Variants in TXNL4A observed in about 807,000 individuals in gnomAD.
The protein encoded by TXNL4A is thioredoxin-like protein 4A.
Under a neutral mutation model 14.6 loss-of-function variants are expected in TXNL4A, and 17 were observed. That is an observed-to-expected ratio of 1.16 (90% confidence interval 0.80 to 1.74). The LOEUF is 1.74. Ranked by LOEUF, TXNL4A falls within the 40% of genes most tolerant of loss-of-function variation. The pLI is 0.00. For missense variants in TXNL4A, 74 were observed against 195.2 expected (o/e 0.38, Z 3.70); for synonymous variants, 83 against 70.6 (o/e 1.18, Z -0.88).
intron 1 of TXNL4A, among the ~76,000 whole-genome samples, chr18:79,983,233 T>G (rs1447124376): frequency 6.6e-6 from 1 of 152,222 alleles, no homozygotes; most frequent in African/African-American, 2.4e-5. Flanking sequence ...ACTCTTGACC[T>G]CAGATGATTC....
At chr18:79,983,293 G>A (rs952291810) in intron 1 of TXNL4A, among the ~76,000 whole-genome samples, 5 of 152,190 alleles carry the variant, frequency 3.3e-5, no homozygotes, top group East Asian at 1.9e-4. Flanking sequence ...AAGCCACGGC[G>A]CTGGCCTCAA....
At chr18:79,984,200 C>T (rs1404900924) in intron 1 of TXNL4A, among the ~76,000 whole-genome samples, 1 of 152,170 alleles carries the variant, frequency 6.6e-6, no homozygotes, top group Non-Finnish European at 1.5e-5. Context: ...GTTCAGTAGG[C>T]GTTCTGTGAT....
intron 2 of TXNL4A, among the ~76,000 whole-genome samples, chr18:79,975,221 T>G (rs900163233): frequency 5.3e-5 from 8 of 152,216 alleles, no homozygotes; most frequent in Non-Finnish European, 1.0e-4. Flanking sequence ...CTCAGCTGTT[T>G]CTATCAGACA....
chr18:80,007,247 T>A (rs2145110928), intron 1 of TXNL4A, among the ~76,000 whole-genome samples: 1 of 152,262 alleles, frequency 6.6e-6, no homozygotes, highest in East Asian at 1.9e-4. Flanking sequence ...AGGAAGGGCT[T>A]TATTCAGCTG....
At chr18:80,005,206 G>T (rs1260726244) in intron 1 of TXNL4A, among the ~76,000 whole-genome samples, 1 of 152,192 alleles carries the variant, frequency 6.6e-6, no homozygotes, top group Non-Finnish European at 1.5e-5. Context: ...GAGGCCAATG[G>T]GGCATTCTGG....
At chr18:79,991,467 G>C (rs1193059365), upstream of TXNL4A, among the ~76,000 whole-genome samples, 9 of 148,924 alleles carry the variant, frequency 6.0e-5, no homozygotes, top group African/African-American at 2.2e-4. Flanking sequence ...CTTTTTAATT[G>C]CTGATGAATA....
chr18:80,018,414 C>T (rs1029368304), intron 1 of TXNL4A, among the ~76,000 whole-genome samples: 1 of 151,998 alleles, frequency 6.6e-6, no homozygotes, highest in Non-Finnish European at 1.5e-5. Flanking sequence ...GCTAACATCG[C>T]AATTAAAAGA....
At chr18:80,033,824 C>CT (rs1387737521) in intron 1 of TXNL4A, 48 of 128,294 alleles carry the variant, frequency 3.7e-4, no homozygotes, top group African/African-American at 1.4e-3. Flanking sequence ...CCCCCGTTGC[C>CT]GCCCCCCCCG....
chr18:80,015,424 A>G (rs1456210799), intron 1 of TXNL4A, among the ~76,000 whole-genome samples: 1 of 151,264 alleles, frequency 6.6e-6, no homozygotes, highest in Non-Finnish European at 1.5e-5. Flanking sequence ...AGTCAGTTAC[A>G]TATGTATACA....
At chr18:79,988,668 G>A (rs992432605), upstream of TXNL4A, 5 of 270,668 alleles carry the variant, frequency 1.8e-5, no homozygotes, top group Admixed American at 5.4e-5. Flanking sequence ...CGTGTAGTTG[G>A]CCGGGTGGAG....
At chr18:79,977,858 T>G (rs1165760334) in intron 1 of TXNL4A, 157 bp from the exon 2 acceptor site, 3 of 609,908 alleles carry the variant, frequency 4.9e-6, no homozygotes, top group Non-Finnish European at 8.7e-6. Flanking sequence ...CATCCTAGAG[T>G]GCAATGGTGC....
chr18:79,985,330 G>A (rs573379650), intron 1 of TXNL4A, among the ~76,000 whole-genome samples: 1 of 152,204 alleles, frequency 6.6e-6, no homozygotes, highest in Non-Finnish European at 1.5e-5. Context: ...ATCACGGCTT[G>A]TCACAGCCTT....
chr18:80,005,574 G>A (rs2051724509), intron 1 of TXNL4A, among the ~76,000 whole-genome samples: 1 of 152,218 alleles, frequency 6.6e-6, no homozygotes, highest in African/African-American at 2.4e-5. Flanking sequence ...GTTTTCCTGG[G>A]AGCTTATAGC....
upstream of TXNL4A, among the ~76,000 whole-genome samples, chr18:79,990,080 T>C (rs899576345): frequency 1.3e-5 from 2 of 152,234 alleles, no homozygotes; most frequent in Non-Finnish European, 2.9e-5. Flanking sequence ...CTGAAGAGCC[T>C]GCTGGCATGG....
At chr18:79,976,776 C>T (rs1378921015) in intron 2 of TXNL4A, 2 of 456,358 alleles carry the variant, frequency 4.4e-6, no homozygotes, top group Non-Finnish European at 8.8e-6. Flanking sequence ...AATTCACCAA[C>T]CTCTATGGTA....
At chr18:79,974,386 A>G (rs768619783) in intron 2 of TXNL4A, among the ~76,000 whole-genome samples, 17 of 152,246 alleles carry the variant, frequency 1.1e-4, no homozygotes, top group Non-Finnish European at 2.2e-4. Flanking sequence ...AGGGAAGTAG[A>G]TAATTCTTTA....
In TXNL4A at chr18:80,011,213, C is replaced by G. The variant is rs1440830058; in HGVS notation, c.-61+22638G>C. Among the ~76,000 whole-genome samples, 1 of 152,112 alleles carries G rather than the reference C, an allele frequency of 6.6e-6. No individual in the cohort carries two copies. The highest frequency in any genetic ancestry group is 1.5e-5 in the Non-Finnish European group (1 of 68,024). On this transcript the variant is annotated intron_variant, in intron 1 of 2. Coordinates refer to the TXNL4A transcript ENST00000585474. This position sits in a 1 kb window ranked among gnomAD's most constrained non-coding sequence, Gnocchi z 4.1. ...AAGAGGTTTTCGTAGGGGAGCTAACCAGGCCCAAAACCAAGACTCGAATTT... is the reference window on the plus strand; with the variant it reads ...AAGAGGTTTTCGTAGGGGAGCTAACGAGGCCCAAAACCAAGACTCGAATTT...
At chr18:80,027,977 T>C (rs2051896132) in intron 1 of TXNL4A, among the ~76,000 whole-genome samples, 1 of 152,206 alleles carries the variant, frequency 6.6e-6, no homozygotes, top group Admixed American at 6.5e-5. Context: ...TCTGTAGGCA[T>C]ACTTAAAAAA....
At chr18:79,976,606 G>C (rs2051383305) in intron 2 of TXNL4A, 1 of 309,988 alleles carries the variant, frequency 3.2e-6, no homozygotes, top group Admixed American at 4.5e-5. Flanking sequence ...CTGACTTACA[G>C]AACTGTGAGC....
Sources: allele counts gnomAD v4.1 joint callset (sites outside exome capture counted in the v4.1 genomes callset), GRCh38; gene constraint gnomAD v4.1.1; non-coding constraint Gnocchi (gnomAD v3.1); transcripts MANE v1.5; gene names NCBI Gene and HGNC (gene_info 2026-07-23, HGNC 2026-07-21).